LRRC4C: variants seen among roughly 807,000 people sequenced by gnomAD.
The protein encoded by LRRC4C is leucine rich repeat containing 4C.
In LRRC4C, 5 loss-of-function variants were observed where a neutral mutation model predicts 33.6. The observed-to-expected ratio is 0.15, with a 90% CI of 0.08 to 0.31. The LOEUF is 0.31. LRRC4C is among the 10% of genes least tolerant of loss of function. The probability of loss-of-function intolerance (pLI) is 1.00; values close to 1 mark genes in which losing one functional copy is unlikely to be tolerated. For synonymous variants in LRRC4C, 329 were observed against 302.0 expected (o/e 1.09, Z -0.93); for missense variants, 560 against 796.7 (o/e 0.70, Z 3.58).
chr11:40,897,329 T>C (rs1459113034), intron 2 of LRRC4C, among the ~76,000 whole-genome samples: 3 of 152,164 alleles, frequency 2.0e-5, no homozygotes, highest in African/African-American at 4.8e-5. Context: ...TTGGTAAGCA[T>C]AGGGGATGGT....
chr11:40,821,050 C>T (rs1951908562), intron 2 of LRRC4C, among the ~76,000 whole-genome samples: 1 of 151,602 alleles, frequency 6.6e-6, no homozygotes, highest in Non-Finnish European at 1.5e-5. Flanking sequence ...AACAATATTA[C>T]TCACAATATA....
intron 2 of LRRC4C, among the ~76,000 whole-genome samples, chr11:40,682,256 T>A (rs1354079208): frequency 6.9e-6 from 1 of 145,012 alleles, no homozygotes; most frequent in Non-Finnish European, 1.5e-5. Context: ...GGTGACAAAG[T>A]GAGGCCCCAC....
chr11:41,392,072 C>G (rs989110971), intron 1 of LRRC4C, among the ~76,000 whole-genome samples: 5 of 151,738 alleles, frequency 3.3e-5, no homozygotes, highest in Non-Finnish European at 7.4e-5. Flanking sequence ...CTATAAAAAA[C>G]AGAAGTAGGA....
At chr11:40,597,248 T>C (rs555140199) in intron 3 of LRRC4C, among the ~76,000 whole-genome samples, 2 of 152,150 alleles carry the variant, frequency 1.3e-5, no homozygotes, top group Non-Finnish European at 2.9e-5. Flanking sequence ...TCATCAATTA[T>C]ATGCACCATA....
intron 2 of LRRC4C, among the ~76,000 whole-genome samples, chr11:40,651,962 A>G (rs552681125): frequency 1.3e-5 from 2 of 152,306 alleles, no homozygotes; most frequent in African/African-American, 4.8e-5. Flanking sequence ...TTCATTTTGT[A>G]TCTGTATGAG....
intron 4 of LRRC4C, among the ~76,000 whole-genome samples, chr11:40,272,944 C>T (rs1942817152): frequency 1.3e-5 from 2 of 151,220 alleles, no homozygotes; most frequent in Non-Finnish European, 2.9e-5. Flanking sequence ...GATTAAGACT[C>T]AAAATAGTGA....
intron 3 of LRRC4C, among the ~76,000 whole-genome samples, chr11:40,599,606 A>G (rs770108042): frequency 1.3e-5 from 2 of 152,096 alleles, no homozygotes; most frequent in Admixed American, 1.3e-4. Context: ...TGCCTCCTCC[A>G]CTAGAATGAA....
intron 1 of LRRC4C, among the ~76,000 whole-genome samples, chr11:40,977,998 T>C (rs1443548276): frequency 6.6e-6 from 1 of 152,204 alleles, no homozygotes; most frequent in Non-Finnish European, 1.5e-5. Context: ...CATGGCCACC[T>C]AATTCCTTCT....
At chr11:40,597,006 T>C (rs1400792156) in intron 3 of LRRC4C, among the ~76,000 whole-genome samples, 1 of 152,174 alleles carries the variant, frequency 6.6e-6, no homozygotes, top group Non-Finnish European at 1.5e-5. Context: ...AAATGTGATA[T>C]TTACAAAACT....
At chr11:41,289,151 G>A (rs528571815) in intron 1 of LRRC4C, among the ~76,000 whole-genome samples, 34 of 152,100 alleles carry the variant, frequency 2.2e-4, no homozygotes, top group African/African-American at 7.9e-4. Flanking sequence ...ATCTTGGGGA[G>A]CATTAAAAAA....
intron 2 of LRRC4C, among the ~76,000 whole-genome samples, chr11:40,679,289 C>G (rs1263267522): frequency 6.6e-6 from 1 of 151,884 alleles, no homozygotes; most frequent in Non-Finnish European, 1.5e-5. Context: ...GGAAACAGAA[C>G]ATTAAAGTTT....
In LRRC4C at chr11:40,655,932, C is replaced by T. The variant is rs186694829; in HGVS notation, c.-406-7654G>A. Among the ~76,000 whole-genome samples, 9 of 152,052 alleles carry T rather than the reference C, an allele frequency of 5.9e-5. No individual in the cohort carries two copies. The East Asian group carries it at 1.2e-3, about 20-fold the overall frequency. On this transcript the variant is annotated intron_variant, in intron 2 of 6. Coordinates refer to ENST00000528697, the MANE Select transcript of LRRC4C (RefSeq NM_001258419.2). The stretch of plus-strand genomic sequence containing the variant: ...ATGGCAGAAGGAGGAAGAGATAGAG[C>T]GAAGAGGAAATCGTCATACACTTTT...
intron 3 of LRRC4C, among the ~76,000 whole-genome samples, chr11:40,348,065 A>G (rs967647633): frequency 6.6e-6 from 1 of 152,218 alleles, no homozygotes; most frequent in Admixed American, 6.5e-5. Flanking sequence ...TAAATGTGTT[A>G]TATGGGCATG....
intron 1 of LRRC4C, among the ~76,000 whole-genome samples, chr11:41,250,411 A>G (rs1296323050): frequency 6.6e-6 from 1 of 152,226 alleles, no homozygotes; most frequent in African/African-American, 2.4e-5. Context: ...AAGAGTTTCA[A>G]ACCAATCTAC....
intron 3 of LRRC4C, among the ~76,000 whole-genome samples, chr11:40,546,240 A>G (rs1956918567): frequency 6.6e-6 from 1 of 151,958 alleles, no homozygotes; most frequent in South Asian, 2.1e-4. Context: ...CAGAGATCAC[A>G]CATTGGTAGA....
At chr11:41,013,533 A>G (rs1221880761) in intron 1 of LRRC4C, among the ~76,000 whole-genome samples, 2 of 152,176 alleles carry the variant, frequency 1.3e-5, no homozygotes, top group Non-Finnish European at 2.9e-5. Flanking sequence ...TTCAAAGAAA[A>G]AACCCTGAAT....
In LRRC4C at chr11:41,176,800, T is replaced by G. The variant is rs567484122; in HGVS notation, c.-495-243077A>C. Among the ~76,000 whole-genome samples the G allele has an allele frequency of 6.6e-5, 10 of 151,914 alleles. No homozygotes were observed. In the South Asian group the frequency reaches 1.0e-3, roughly 16 times the overall value. ...CAACGTGGTGAAACCCTGTCTCTACTAAAATACAAAAGAAATTAGCTGGGC... is the reference window on the plus strand; with the variant it reads ...CAACGTGGTGAAACCCTGTCTCTACGAAAATACAAAAGAAATTAGCTGGGC... On this transcript the variant is annotated intron_variant, in intron 1 of 6. Coordinates refer to ENST00000528697, the MANE Select transcript of LRRC4C (RefSeq NM_001258419.2).
intron 2 of LRRC4C, among the ~76,000 whole-genome samples, chr11:40,920,831 C>T (rs1484049237): frequency 6.6e-6 from 1 of 152,038 alleles, no homozygotes; most frequent in Non-Finnish European, 1.5e-5. Context: ...GACTATATTA[C>T]CTCACATGGC....
chr11:41,073,375 AG>A (rs1231860566), intron 1 of LRRC4C, among the ~76,000 whole-genome samples: 1 of 152,058 alleles, frequency 6.6e-6, no homozygotes, highest in Admixed American at 6.6e-5. Flanking sequence ...ATAGAGCAAG[AG>A]CTCCTTTCCT....
Sources: gnomAD v4.1 joint callset for allele counts (sites outside exome capture counted in the v4.1 genomes callset) on GRCh38, gnomAD v4.1.1 for gene constraint, MANE v1.5 for transcripts, NCBI Gene and HGNC (gene_info 2026-07-23, HGNC 2026-07-21) for gene names.